The following SPIN1 variants were observed in gnomAD, a reference collection of about 807,000 sequenced individuals.
The protein encoded by SPIN1 is spindlin-1.
Under a neutral mutation model 26.0 loss-of-function variants are expected in SPIN1, and 3 were observed. That is an observed-to-expected ratio of 0.12 (90% confidence interval 0.05 to 0.30). SPIN1 has a LOEUF of 0.30. Ranked by LOEUF, SPIN1 falls within the 10% of genes least tolerant of loss-of-function variation. SPIN1 has a pLI of 1.00. For missense variants in SPIN1, 126 were observed against 333.4 expected, an observed-to-expected ratio of 0.38 and a Z score of 4.84; for synonymous variants, 101 against 116.5, an observed-to-expected ratio of 0.87 and a Z score of 0.86.
chr9:88,465,496 G>C (rs1224641732), intron 4 of SPIN1, among the ~76,000 whole-genome samples: 1 of 152,124 alleles, frequency 6.6e-6, no homozygotes, highest in Non-Finnish European at 1.5e-5. Flanking sequence ...ATCCTGATGG[G>C]TGTGATACGA....
At chr9:88,455,854 T>G (rs1828460078) in intron 3 of SPIN1, among the ~76,000 whole-genome samples, 1 of 151,710 alleles carries the variant, frequency 6.6e-6, no homozygotes, top group Admixed American at 6.6e-5. Flanking sequence ...GCAGGCACCC[T>G]TACGTAGTTC....
chr9:88,403,704 T>G (rs1827235602), intron 1 of SPIN1, among the ~76,000 whole-genome samples: 2 of 152,130 alleles, frequency 1.3e-5, no homozygotes, highest in Admixed American at 1.3e-4. Flanking sequence ...CAGAGTAAGA[T>G]CCTGTCTTCA....
At chr9:88,406,342 T>C in intron 1 of SPIN1, among the ~76,000 whole-genome samples, 1 of 151,370 alleles carries the variant, frequency 6.6e-6, no homozygotes, top group African/African-American at 2.4e-5. Context: ...CCAGGCTGAG[T>C]TGCCGTGGCG....
chr9:88,391,842 A>G (rs1826926528), intron 1 of SPIN1: 1 of 152,212 alleles, frequency 6.6e-6, no homozygotes, highest in Non-Finnish European at 1.5e-5. Flanking sequence ...TCCGCGGTCT[A>G]GTCAACAGTA....
chr9:88,470,619 G>A (rs1587817808), intron 5 of SPIN1, among the ~76,000 whole-genome samples: 1 of 148,120 alleles, frequency 6.8e-6, no homozygotes, highest in Non-Finnish European at 1.5e-5. Flanking sequence ...TTTTGAGACA[G>A]AGTCTTGCTC....
intron 1 of SPIN1, among the ~76,000 whole-genome samples, chr9:88,423,982 G>C (rs1350978194): frequency 6.6e-6 from 1 of 152,048 alleles, no homozygotes; most frequent in Non-Finnish European, 1.5e-5. Context: ...TGGCCAGGCT[G>C]GTCTCGAACT....
At chr9:88,411,908 T>C (rs1377444332) in intron 1 of SPIN1, among the ~76,000 whole-genome samples, 1 of 151,890 alleles carries the variant, frequency 6.6e-6, no homozygotes, top group Non-Finnish European at 1.5e-5. Context: ...GTGCGGTGGC[T>C]CATGCCTGTA....
intron 1 of SPIN1, among the ~76,000 whole-genome samples, 199 bp from the exon 2 acceptor site, chr9:88,426,183 T>TA (rs750737171): frequency 1.9e-4 from 29 of 152,220 alleles, no homozygotes; most frequent in Non-Finnish European, 4.3e-4. Flanking sequence ...CTTCTTTTTT[T>TA]AAAGAGTCTA....
intron 1 of SPIN1, among the ~76,000 whole-genome samples, chr9:88,400,077 T>C (rs1827154230): frequency 6.6e-6 from 1 of 152,082 alleles, no homozygotes; most frequent in Non-Finnish European, 1.5e-5. Context: ...GAACTTAATC[T>C]CCGTTTGCCT....
At chr9:88,410,704 C>G in intron 1 of SPIN1, 4 of 1,422,480 alleles carry the variant, frequency 2.8e-6, no homozygotes, top group Non-Finnish European at 3.9e-6. Context: ...GTTGTAATTG[C>G]CAAAATCATT....
chr9:88,428,324 T>G (rs967260315), intron 2 of SPIN1, among the ~76,000 whole-genome samples: 1 of 152,212 alleles, frequency 6.6e-6, no homozygotes, highest in African/African-American at 2.4e-5. Context: ...TTTTCAGCCC[T>G]TGCTGCGTCC....
intron 3 of SPIN1, among the ~76,000 whole-genome samples, chr9:88,452,775 T>A (rs1032625501): frequency 6.6e-6 from 1 of 152,198 alleles, no homozygotes; most frequent in Admixed American, 6.5e-5. Context: ...CAAAGCAGGT[T>A]TTTTTCTCTC....
chr9:88,394,250 C>T (rs1318391943), intron 1 of SPIN1, among the ~76,000 whole-genome samples: 4 of 152,194 alleles, frequency 2.6e-5, no homozygotes, highest in Non-Finnish European at 5.9e-5. Flanking sequence ...TTTGACATGA[C>T]ACGTAATCTC....
intron 1 of SPIN1, among the ~76,000 whole-genome samples, chr9:88,403,485 G>A (rs1827231199): frequency 6.6e-6 from 1 of 152,256 alleles, no homozygotes; most frequent in East Asian, 1.9e-4. Context: ...TGAGGTGGGA[G>A]GATCACTTGA....
At chr9:88,458,116 A>G (rs1329613776) in intron 3 of SPIN1, among the ~76,000 whole-genome samples, 3 of 152,236 alleles carry the variant, frequency 2.0e-5, no homozygotes, top group African/African-American at 4.8e-5. Context: ...GTTAAAGATA[A>G]TTGTTGGAAG....
intron 1 of SPIN1, among the ~76,000 whole-genome samples, chr9:88,422,047 G>A (rs534201249): frequency 2.0e-5 from 3 of 152,220 alleles, no homozygotes; most frequent in Admixed American, 6.5e-5. Context: ...TTGTAGTGAA[G>A]GGTCAAGATT....
At chr9:88,427,994 A>G (rs1041138003) in intron 2 of SPIN1, among the ~76,000 whole-genome samples, 6 of 152,170 alleles carry the variant, frequency 3.9e-5, no homozygotes, top group African/African-American at 7.2e-5. Context: ...TAATAGTGTT[A>G]TTATTGATCA....
At chr9:88,428,407 A>G (rs1827802382) in intron 2 of SPIN1, among the ~76,000 whole-genome samples, 1 of 152,200 alleles carries the variant, frequency 6.6e-6, no homozygotes, top group African/African-American at 2.4e-5. Flanking sequence ...ATTTAGCTCC[A>G]ACTTATGAGT....
intron 2 of SPIN1, among the ~76,000 whole-genome samples, chr9:88,429,869 G>A (rs1827832043): frequency 6.6e-6 from 1 of 152,132 alleles, no homozygotes; most frequent in Admixed American, 6.6e-5. Context: ...TATCCCATTA[G>A]CATACAGAAG....
Sources: gnomAD v4.1 joint callset for allele counts (sites outside exome capture counted in the v4.1 genomes callset) on GRCh38, gnomAD v4.1.1 for gene constraint, MANE v1.5 for transcripts, NCBI Gene and HGNC (gene_info 2026-07-23, HGNC 2026-07-21) for gene names.